TEAD1: variants seen among roughly 807,000 people sequenced by gnomAD.
TEAD1 encodes the protein TEA domain transcription factor 1.
A neutral mutation model predicts 54.9 loss-of-function variants in TEAD1; 9 were observed. That is an observed-to-expected ratio of 0.16 (90% CI 0.10 to 0.29). The LOEUF (loss-of-function observed/expected upper bound fraction) is 0.29, where lower values mean the gene tolerates loss of function less well. TEAD1 is among the 10% of genes least tolerant of loss of function. The probability of loss-of-function intolerance (pLI) is 1.00; values close to 1 mark genes in which losing one functional copy is unlikely to be tolerated. For missense variants in TEAD1, 387 were observed against 535.9 expected (o/e 0.72, Z 2.74); for synonymous variants, 200 against 187.8 (o/e 1.07, Z -0.53).
chr11:12,715,087 A>G (rs1564915772), intron 2 of TEAD1, among the ~76,000 whole-genome samples: 2 of 152,110 alleles, frequency 1.3e-5, no homozygotes, highest in African/African-American at 4.8e-5. Context: ...ATAAAACACA[A>G]AAATCTCTAC....
chr11:12,790,020 G>A (rs962727237), intron 3 of TEAD1, among the ~76,000 whole-genome samples: 1 of 152,248 alleles, frequency 6.6e-6, no homozygotes, highest in Non-Finnish European at 1.5e-5. Context: ...TGCTTAAGCA[G>A]TGGCAGCATG....
At chr11:12,903,759 C>G (rs1948464152) in intron 10 of TEAD1, among the ~76,000 whole-genome samples, 1 of 152,194 alleles carries the variant, frequency 6.6e-6, no homozygotes. Flanking sequence ...CTGCACTGAG[C>G]TATGATTGTG....
chr11:12,881,804 A>G, intron 7 of TEAD1, 92 bp from the exon 8 acceptor site: 2 of 1,324,786 alleles, frequency 1.5e-6, no homozygotes, highest in Middle Eastern at 1.8e-4. Flanking sequence ...GCGGTGAAGG[A>G]CCTCCCACTG....
chr11:12,799,894 G>A (rs1946014480), intron 3 of TEAD1, among the ~76,000 whole-genome samples: 1 of 152,050 alleles, frequency 6.6e-6, no homozygotes, highest in South Asian at 2.1e-4. Context: ...TGAAAGTAGG[G>A]GGGTTGAGAA....
At chr11:12,868,802 A>G (rs189489153) in intron 5 of TEAD1, among the ~76,000 whole-genome samples, 1 of 152,356 alleles carries the variant, frequency 6.6e-6, no homozygotes, top group Non-Finnish European at 1.5e-5. Context: ...CGTTGGGCAC[A>G]TAGAATTGAA....
At chr11:12,701,221 T>C (rs886735525) in intron 2 of TEAD1, among the ~76,000 whole-genome samples, 9 of 152,158 alleles carry the variant, frequency 5.9e-5, no homozygotes, top group African/African-American at 2.2e-4. Context: ...TACTTAGATT[T>C]TTTTTTTCTT....
intron 3 of TEAD1, among the ~76,000 whole-genome samples, chr11:12,819,607 C>T (rs1383172512): frequency 1.3e-5 from 2 of 151,982 alleles, no homozygotes; most frequent in Non-Finnish European, 2.9e-5. Flanking sequence ...CGCCACCAAG[C>T]CCGGCTAATT....
intron 3 of TEAD1, among the ~76,000 whole-genome samples, chr11:12,826,688 C>T (rs571829320): frequency 1.3e-5 from 2 of 152,116 alleles, no homozygotes; most frequent in Admixed American, 1.3e-4. Flanking sequence ...TAAGAAAATT[C>T]CTTTTCTCTT....
At chr11:12,712,746 T>C (rs1943970497) in intron 2 of TEAD1, among the ~76,000 whole-genome samples, 1 of 152,078 alleles carries the variant, frequency 6.6e-6, no homozygotes, top group African/African-American at 2.4e-5. Flanking sequence ...TTTATCTGGG[T>C]GAGAATAAAT....
At chr11:12,900,966 C>T (rs1036392702) in intron 9 of TEAD1, among the ~76,000 whole-genome samples, 1 of 152,146 alleles carries the variant, frequency 6.6e-6, no homozygotes, top group Admixed American at 6.5e-5. Context: ...GAGGCATGCC[C>T]GAAGAGTCTG....
At chr11:12,894,973 G>T (rs1357411510) in intron 9 of TEAD1, among the ~76,000 whole-genome samples, 1 of 152,016 alleles carries the variant, frequency 6.6e-6, no homozygotes, top group Non-Finnish European at 1.5e-5. Flanking sequence ...TTCCACTATG[G>T]CTGTGGAAAC....
chr11:12,752,304 C>A (rs1019842923), intron 2 of TEAD1, among the ~76,000 whole-genome samples: 7 of 144,040 alleles, frequency 4.9e-5, no homozygotes, highest in African/African-American at 1.8e-4. Flanking sequence ...GCACACACAT[C>A]ATCAATATTG....
intron 9 of TEAD1, among the ~76,000 whole-genome samples, chr11:12,894,891 A>G (rs1733518381): frequency 6.6e-6 from 1 of 152,184 alleles, no homozygotes; most frequent in South Asian, 2.1e-4. Flanking sequence ...TATCTCATTT[A>G]ATATTCTTGA....
intron 3 of TEAD1, among the ~76,000 whole-genome samples, chr11:12,847,143 G>A (rs529858915): frequency 5.9e-5 from 9 of 152,208 alleles, no homozygotes; most frequent in African/African-American, 2.2e-4. Context: ...CAGTCACTGC[G>A]TCCCATGAGC....
intron 3 of TEAD1, among the ~76,000 whole-genome samples, chr11:12,832,351 G>T (rs776671517): frequency 6.6e-6 from 1 of 152,164 alleles, no homozygotes; most frequent in Non-Finnish European, 1.5e-5. Context: ...TAGAAGACTA[G>T]GGGGAAAAAT....
chr11:12,901,546 G>A (rs961886799), intron 9 of TEAD1, among the ~76,000 whole-genome samples: 1 of 152,146 alleles, frequency 6.6e-6, no homozygotes, highest in East Asian at 1.9e-4. Flanking sequence ...TGCATTCTGG[G>A]TTATGACATG....
At chr11:12,687,818 T>G (rs1046251519) in intron 2 of TEAD1, among the ~76,000 whole-genome samples, 1 of 152,094 alleles carries the variant, frequency 6.6e-6, no homozygotes, top group Non-Finnish European at 1.5e-5. Context: ...TCCAGGACTG[T>G]GGGGACCAGT....
chr11:12,878,814 T>G, intron 5 of TEAD1: 1 of 986,364 alleles, frequency 1.0e-6, no homozygotes, highest in South Asian at 1.5e-5. Context: ...TATATATGTT[T>G]TTTTTTTAAC....
rs1340235944 is a variant in TEAD1 at position 12,814,775 on chromosome 11, CTCTGTGTGTGTGTGTGTGTGTGTGTG to C, written c.203-47473_203-47448del. 3.1e-3 allele frequency among the ~76,000 whole-genome samples: 447 copies of C among 142,246 alleles called. 8 individuals are homozygous for C. The highest frequency in any genetic ancestry group is 6.2e-3 in the East Asian group (30 of 4,834). The allele number at this position is 142,246 out of a possible 152,430, so 93.3% of individuals were successfully genotyped here. A position where few individuals can be genotyped will look rare whatever the true frequency, so the allele number is the denominator to read the frequency against. On this transcript the variant is annotated intron_variant, in intron 3 of 12. Transcript: ENST00000527636. Reference sequence around the variant, plus strand: ...CCAGCCACCCCTGACCATCGCAGAGCTCTGTGTGTGTGTGTGTGTGTGTGTGTGTGTGTGTGTGTGTGTGTGTGTGT... The same window carrying C: ...CCAGCCACCCCTGACCATCGCAGAGCTGTGTGTGTGTGTGTGTGTGTGTGT...
Sources: allele counts gnomAD v4.1 joint callset (sites outside exome capture counted in the v4.1 genomes callset), GRCh38; gene constraint gnomAD v4.1.1; transcripts MANE v1.5; gene names NCBI Gene and HGNC (gene_info 2026-07-23, HGNC 2026-07-21).